The following POLR1C variants were observed in gnomAD, a reference collection of about 807,000 sequenced individuals.
POLR1C encodes the protein RNA polymerase I and III subunit C.
POLR1C carries 42 observed loss-of-function variants against 38.3 expected under a neutral mutation model. The observed-to-expected ratio is 1.10, with a 90% CI of 0.86 to 1.42. The LOEUF is 1.42. Ranked by LOEUF, POLR1C falls within the 40% of genes most tolerant of loss-of-function variation. The pLI is 0.00. For synonymous variants in POLR1C, 163 were observed against 163.9 expected (o/e 0.99, Z 0.04); for missense variants, 507 against 450.5 (o/e 1.13, Z -1.14).
chr6:43,534,390 G>A (rs183119301), downstream of POLR1C, among the ~76,000 whole-genome samples: 8 of 152,252 alleles, frequency 5.3e-5, no homozygotes, highest in East Asian at 1.5e-3. Flanking sequence ...CAGAGGAGGT[G>A]GTAATTTGCC....
At position 43,535,217 on chromosome 6, in the gene POLR1C, G is replaced by A. The variant is rs184550359; in HGVS notation, c.*4+5858G>A. Among the ~76,000 whole-genome samples, 1,081 of 139,230 alleles carry A rather than the reference G, an allele frequency of 7.8e-3. 2 individuals carry two copies. Among genetic ancestry groups the A allele is most frequent in the Non-Finnish European group, 0.013 (814 of 63,780 alleles). The allele number at this position is 139,230 out of a possible 152,430, so 91.3% of individuals were successfully genotyped here. On this transcript the variant is annotated intron_variant, in intron 9 of 10. Transcript: ENST00000607635. ...TGAGCTTGCAGTGAGCCAAGACTGC[G>A]CCACTGCACTCCAGCCTGGGCAACA...
At chr6:43,556,149 A>C (rs1762074921) in intron 10 of POLR1C, 5 of 722,548 alleles carry the variant, frequency 6.9e-6, no homozygotes, top group African/African-American at 1.8e-5. Flanking sequence ...TTTTGAAAAT[A>C]AATGATCTCT....
At chr6:43,562,343 A>T in exon 11 of POLR1C, 1 of 1,604,372 alleles carries the variant, frequency 6.2e-7, no homozygotes, top group Non-Finnish European at 8.5e-7. Context: ...CTCCATCAGC[A>T]GTCCTGTAAG....
intron 6 of POLR1C, 83 bp from the exon 7 acceptor site, chr6:43,520,542 C>T (rs973664743): frequency 2.9e-5 from 47 of 1,602,934 alleles, no homozygotes; most frequent in Non-Finnish European, 3.8e-5. Context: ...GAGGGTTGTG[C>T]TTTTGCTGTT....
chr6:43,530,836 A>G (rs755434559), downstream of POLR1C: 1 of 1,599,302 alleles, frequency 6.3e-7, no homozygotes, highest in Admixed American at 1.8e-5. Flanking sequence ...TGTAAAGGGG[A>G]AAAAAAGAGC....
chr6:43,526,549 G>A, intron 8 of POLR1C: 2 of 957,556 alleles, frequency 2.1e-6, no homozygotes, highest in South Asian at 3.0e-5. Context: ...CACACAGCAA[G>A]AGGGCTGGTC....
At chr6:43,519,197 T>G (rs1793008137) in intron 2 of POLR1C, 136 bp from the exon 3 acceptor site, 1 of 704,088 alleles carries the variant, frequency 1.4e-6, no homozygotes. Context: ...GATAGAATAT[T>G]TAATAAGAGA....
At chr6:43,559,614 C>A (rs777111099) in intron 10 of POLR1C, among the ~76,000 whole-genome samples, 1 of 152,198 alleles carries the variant, frequency 6.6e-6, no homozygotes, top group African/African-American at 2.4e-5. Flanking sequence ...TGCTTTTAAC[C>A]CCTGAATAGC....
At chr6:43,552,512 CCA>C (rs1173078264) in intron 10 of POLR1C, among the ~76,000 whole-genome samples, 3 of 152,096 alleles carry the variant, frequency 2.0e-5, no homozygotes, top group Non-Finnish European at 4.4e-5. Context: ...ACCAGCATGC[CCA>C]GTTAATTTTT....
chr6:43,539,185 C>T lies in POLR1C; in HGVS notation c.*4+9826C>T, dbSNP rs770086536. 1.2e-4 allele frequency: 141 copies of T among 1,129,132 alleles called. 1 individual carries two copies. In the Middle Eastern group the frequency reaches 1.6e-3, roughly 13 times the overall value. The allele number at this position is 1,129,132 out of a possible 1,614,324, so 69.9% of individuals were successfully genotyped here. A position where few individuals can be genotyped will look rare whatever the true frequency, so the allele number is the denominator to read the frequency against. ...AGGGGACGGTGTGGGGCTTGCCGAT[C>T]TTGTTCCCCTAGTAGCCTCTGTGCA... On this transcript the variant is annotated intron_variant, in intron 9 of 10. Transcript: ENST00000607635.
At chr6:43,523,595 T>C, downstream of POLR1C, 2 of 653,122 alleles carry the variant, frequency 3.1e-6, no homozygotes, top group Non-Finnish European at 5.8e-6. Context: ...CTGCTCTAGC[T>C]TTTCTTGGAA....
intron 9 of POLR1C, among the ~76,000 whole-genome samples, chr6:43,540,495 T>TAA (rs1377719063): frequency 6.7e-6 from 1 of 150,100 alleles, no homozygotes; most frequent in Non-Finnish European, 1.5e-5. Context: ...AATAAATAAA[T>TAA]AAACAAAATT....
At chr6:43,533,948 T>G, downstream of POLR1C, 1 of 1,607,498 alleles carries the variant, frequency 6.2e-7, no homozygotes, top group South Asian at 1.1e-5. Context: ...ATCCAGAGCC[T>G]TGGTGAAAGG....
chr6:43,525,378 T>G (rs1793513362), downstream of POLR1C: 1 of 654,108 alleles, frequency 1.5e-6, no homozygotes. Context: ...GCTCAAGCTA[T>G]TCTCCCATCT....
chr6:43,520,460 G>GA, intron 6 of POLR1C, 33 bp downstream of exon 6: 2 of 1,612,322 alleles, frequency 1.2e-6, no homozygotes, highest in Non-Finnish European at 1.7e-6. Flanking sequence ...TGGGAAGGGG[G>GA]ATAGTTCGGT....
At chr6:43,554,018 G>C (rs889347358) in intron 10 of POLR1C, among the ~76,000 whole-genome samples, 4 of 152,352 alleles carry the variant, frequency 2.6e-5, no homozygotes, top group Admixed American at 2.0e-4. Flanking sequence ...GCTATGTCTA[G>C]AGAAGGGTGC....
chr6:43,520,039 T>C (rs1793058186), intron 4 of POLR1C, 27 bp from the exon 5 acceptor site: 1 of 1,613,386 alleles, frequency 6.2e-7, no homozygotes, highest in African/African-American at 1.3e-5. Flanking sequence ...GTTTACTAGT[T>C]CTTAGGAGCT....
intron 9 of POLR1C, chr6:43,546,738 T>G (rs1419405122): frequency 1.3e-6 from 2 of 1,593,498 alleles, no homozygotes; most frequent in Non-Finnish European, 1.7e-6. Flanking sequence ...GAATGCTGTA[T>G]ACACAAAAGC....
intron 9 of POLR1C, chr6:43,547,422 TCTG>T: frequency 1.5e-6 from 1 of 686,726 alleles, no homozygotes; most frequent in South Asian, 1.5e-5. Context: ...GACCATCTGC[TCTG>T]CTGTGGGAAC....
Sources: gnomAD v4.1 joint callset for allele counts (sites outside exome capture counted in the v4.1 genomes callset) on GRCh38, gnomAD v4.1.1 for gene constraint, MANE v1.5 for transcripts, NCBI Gene and HGNC (gene_info 2026-07-23, HGNC 2026-07-21) for gene names.